STARD13: variants seen among roughly 807,000 people sequenced by gnomAD.
STARD13 encodes the protein stAR-related lipid transfer protein 13.
In STARD13, 62 loss-of-function variants were observed where a neutral mutation model predicts 106.4. The observed-to-expected ratio is 0.58, with a 90% CI of 0.48 to 0.72. The LOEUF is 0.72. STARD13 is among the 30% of genes least tolerant of loss of function. The pLI, the probability that STARD13 is intolerant of heterozygous loss-of-function variation, is 0.00. For synonymous variants in STARD13, 565 were observed against 553.0 expected (o/e 1.02, Z -0.31); for missense variants, 1,387 against 1,424.0 (o/e 0.97, Z 0.42).
At chr13:33,397,912 A>T in the STARD13 span, among the ~76,000 whole-genome samples, 1 of 152,350 alleles carries the variant, frequency 6.6e-6, no homozygotes, top group African/African-American at 2.4e-5. Context: ...GCCTCTTATG[A>T]GAGCTCTGCC....
intron 1 of STARD13, chr13:33,281,406 ATG>A (rs34351733): frequency 0.039 from 5,770 of 146,226 alleles, 129 homozygotes; most frequent in African/African-American, 0.066. Context: ...TTTTCCAAAT[ATG>A]TGTGTGTGTG....
At chr13:33,117,764 T>C in intron 8 of STARD13, 1 of 947,048 alleles carries the variant, frequency 1.1e-6, no homozygotes, top group Non-Finnish European at 1.3e-6. Context: ...TTCTATTGTG[T>C]CCCTTTTTCA....
intron 1 of STARD13, among the ~76,000 whole-genome samples, chr13:33,306,366 T>C (rs776586393): frequency 2.0e-5 from 3 of 152,080 alleles, no homozygotes; most frequent in Admixed American, 6.6e-5. Context: ...CCCAAAACTA[T>C]AAAAACCCTA....
intron 1 of STARD13, among the ~76,000 whole-genome samples, chr13:33,211,805 CTGTGTG>C (rs573541591): frequency 6.7e-6 from 1 of 148,618 alleles, no homozygotes; most frequent in Non-Finnish European, 1.5e-5. Flanking sequence ...AGAGCTGACT[CTGTGTG>C]TGTGTGTGTG....
chr13:33,465,198 CTTCTTTTTTTTTTT>C, the STARD13 span, among the ~76,000 whole-genome samples: 705 of 140,240 alleles, frequency 5.0e-3, 11 homozygotes, highest in African/African-American at 0.017. Flanking sequence ...AATTGGTCTT[CTTCTTTTTTTTTTT>C]TTTTTTTTTT....
intron 1 of STARD13, among the ~76,000 whole-genome samples, chr13:33,199,973 T>A (rs1400933172): frequency 6.6e-6 from 1 of 152,036 alleles, no homozygotes; most frequent in Non-Finnish European, 1.5e-5. Flanking sequence ...CTTTGGGGAG[T>A]AGAGAACCAA....
At chr13:33,568,139 A>G in the STARD13 span, among the ~76,000 whole-genome samples, 1 of 148,368 alleles carries the variant, frequency 6.7e-6, no homozygotes, top group East Asian at 2.0e-4. Context: ...ATTATCCCTG[A>G]GAAGTAGTTC....
At chr13:33,633,864 C>T in the STARD13 span, among the ~76,000 whole-genome samples, 1 of 152,162 alleles carries the variant, frequency 6.6e-6, no homozygotes, top group Non-Finnish European at 1.5e-5. Context: ...CAGTGGAGGG[C>T]TCATTTTCCC....
intron 1 of STARD13, among the ~76,000 whole-genome samples, chr13:33,202,546 A>G (rs750141336): frequency 9.9e-5 from 15 of 152,206 alleles, no homozygotes; most frequent in Non-Finnish European, 1.8e-4. Context: ...GTCTTTGCGG[A>G]GCCTAGGGAG....
the STARD13 span, among the ~76,000 whole-genome samples, chr13:33,448,835 G>A: frequency 1.4e-4 from 22 of 151,980 alleles, no homozygotes; most frequent in South Asian, 3.7e-3. Context: ...GCATTTCCCC[G>A]ATGATTAAAA....
chr13:33,649,971 G>A, the STARD13 span, among the ~76,000 whole-genome samples: 1 of 151,946 alleles, frequency 6.6e-6, no homozygotes, highest in Non-Finnish European at 1.5e-5. Flanking sequence ...TTTGGCCAGG[G>A]AAATTTCATA....
At chr13:33,111,998 T>C (rs1005907857) in intron 9 of STARD13, 106 bp from the exon 10 acceptor site, 3 of 669,346 alleles carry the variant, frequency 4.5e-6, no homozygotes, top group Non-Finnish European at 8.1e-6. Context: ...GCTATCCAGA[T>C]CCCAGGCTTT....
intron 1 of STARD13, among the ~76,000 whole-genome samples, chr13:33,307,462 T>C (rs144761159): frequency 0.045 from 6,842 of 152,304 alleles, 498 homozygotes; most frequent in African/African-American, 0.16. Flanking sequence ...ATATACACCA[T>C]GGAATAGTAT....
At chr13:33,215,658 C>A (rs540817738) in intron 1 of STARD13, among the ~76,000 whole-genome samples, 3 of 152,244 alleles carry the variant, frequency 2.0e-5, no homozygotes, top group African/African-American at 7.2e-5. Flanking sequence ...GCAGAGAAAT[C>A]TCATTTTCTA....
chr13:33,567,223 T>G, the STARD13 span, among the ~76,000 whole-genome samples: 1 of 148,670 alleles, frequency 6.7e-6, no homozygotes, highest in Admixed American at 6.9e-5. Flanking sequence ...ATAACAAATA[T>G]TCTGATAGAA....
exon 2 of STARD13, chr13:33,348,664 T>A (rs2078040789): frequency 6.4e-6 from 1 of 155,476 alleles, no homozygotes; most frequent in African/African-American, 2.4e-5. Flanking sequence ...TCTAACACCA[T>A]CCATCATGTA....
the STARD13 span, among the ~76,000 whole-genome samples, chr13:33,663,765 C>A: frequency 6.6e-6 from 1 of 152,170 alleles, no homozygotes; most frequent in African/African-American, 2.4e-5. Flanking sequence ...CAGGAGGGAG[C>A]AAGTCAGAAA....
At chr13:33,141,537 G>A (rs943162650) in intron 4 of STARD13, among the ~76,000 whole-genome samples, 2 of 152,148 alleles carry the variant, frequency 1.3e-5, no homozygotes, top group Admixed American at 6.5e-5. Flanking sequence ...GTGACTTTTC[G>A]GACTGAACCG....
At chr13:33,530,172 A>G in the STARD13 span, among the ~76,000 whole-genome samples, 6 of 151,866 alleles carry the variant, frequency 4.0e-5, no homozygotes, top group Admixed American at 6.6e-5. Context: ...TTGTGAAATA[A>G]AGGAGAAATA....
Sources: gnomAD v4.1 joint callset for allele counts (sites outside exome capture counted in the v4.1 genomes callset) on GRCh38, gnomAD v4.1.1 for gene constraint, MANE v1.5 for transcripts, NCBI Gene and HGNC (gene_info 2026-07-23, HGNC 2026-07-21) for gene names.